WDFY2: variants seen among roughly 807,000 people sequenced by gnomAD.
WDFY2 encodes the protein WD repeat and FYVE domain-containing protein 2.
Under a neutral mutation model 56.4 loss-of-function variants are expected in WDFY2, and 36 were observed. That is an observed-to-expected ratio of 0.64 (90% CI 0.49 to 0.84). The LOEUF (loss-of-function observed/expected upper bound fraction) is 0.84. Among genes scored for constraint, WDFY2 ranks in the 40% least tolerant of loss-of-function variants. WDFY2 has a pLI of 0.00. For synonymous variants in WDFY2, 176 were observed against 183.7 expected (o/e 0.96, Z 0.34); for missense variants, 444 against 512.2 (o/e 0.87, Z 1.29).
chr13:51,719,159 G>C, intron 4 of WDFY2, 39 bp from the exon 5 acceptor site: 1 of 1,613,766 alleles, frequency 6.2e-7, no homozygotes, highest in East Asian at 2.2e-5. Flanking sequence ...ACCTCCTTAG[G>C]ATGCTTTATA....
intron 1 of WDFY2, among the ~76,000 whole-genome samples, chr13:51,632,770 A>G (rs980245027): frequency 2.6e-5 from 4 of 152,194 alleles, no homozygotes; most frequent in Admixed American, 2.0e-4. Flanking sequence ...TCTAGCAGTT[A>G]CCCTAATTAT....
chr13:51,628,772 T>C (rs1954890921), intron 1 of WDFY2, among the ~76,000 whole-genome samples: 1 of 152,214 alleles, frequency 6.6e-6, no homozygotes, highest in Non-Finnish European at 1.5e-5. Context: ...AATGGAATTT[T>C]CTAACAGGTG....
chr13:51,767,251 C>T lies in WDFY2; in HGVS notation c.*7482C>T, dbSNP rs1236667572. On this transcript the variant is annotated 3_prime_UTR_variant, in exon 12 of 12. Transcript: ENST00000298125. Reference sequence around the variant, plus strand: ...TGCTGCCAGCACAGCGTCGCCCACACCCAGCATTGCTGAGGCCCATCATCC... The same window carrying T: ...TGCTGCCAGCACAGCGTCGCCCACATCCAGCATTGCTGAGGCCCATCATCC... 2 of 152,254 alleles carry T rather than the reference C, an allele frequency of 1.3e-5. No homozygotes were observed. The highest frequency in any genetic ancestry group is 2.9e-5 in the Non-Finnish European group (2 of 68,060). The allele number at this position is 152,254 out of a possible 1,614,324, so 9.4% of individuals were successfully genotyped here. A position where few individuals can be genotyped will look rare whatever the true frequency, so the allele number is the denominator to read the frequency against.
At chr13:51,736,252 A>G (rs1205525617) in intron 6 of WDFY2, among the ~76,000 whole-genome samples, 1 of 152,204 alleles carries the variant, frequency 6.6e-6, no homozygotes, top group Non-Finnish European at 1.5e-5. Context: ...ACTGTGGGTT[A>G]GGTACTATTA....
chr13:51,714,213 CAA>C (rs35033926), intron 4 of WDFY2, among the ~76,000 whole-genome samples: 1 of 134,592 alleles, frequency 7.4e-6, no homozygotes. Flanking sequence ...TAATTCCTTT[CAA>C]AAAAAAAAAA....
chr13:51,727,738 C>G lies in WDFY2; in HGVS notation c.546C>G (p.Leu182=). The G allele has an allele frequency of 6.2e-7, 1 of 1,614,162 alleles. No homozygotes were observed. The highest frequency in any genetic ancestry group is 8.5e-7 in the Non-Finnish European group (1 of 1,180,034). The change falls in exon 6 of 12, where the codon CTC becomes CTG. Residue 182 remains leucine (L), a synonymous_variant. Coordinates refer to ENST00000298125, the MANE Select transcript of WDFY2 (RefSeq NM_052950.4). The stretch of plus-strand genomic sequence containing the variant: ...ACCACTCAGGCCAAGTAACAATCCT[C>G]AAACTGGAGCAAGAAAACTGCACCC... The part of the protein sequence containing the change: ...IGDHSGQVTI[L]KLEQENCTLV...
intron 1 of WDFY2, among the ~76,000 whole-genome samples, chr13:51,659,109 T>C (rs909317753): frequency 6.6e-6 from 1 of 152,028 alleles, no homozygotes; most frequent in African/African-American, 2.4e-5. Flanking sequence ...GTATTTTTAG[T>C]AGAGACGGGG....
At chr13:51,725,488 G>T (rs1197780629) in intron 5 of WDFY2, among the ~76,000 whole-genome samples, 1 of 152,130 alleles carries the variant, frequency 6.6e-6, no homozygotes, top group Non-Finnish European at 1.5e-5. Context: ...AGGAGTTTGA[G>T]ACCAGCCTGG....
intron 8 of WDFY2, among the ~76,000 whole-genome samples, chr13:51,754,455 G>A (rs1358716312): frequency 6.6e-6 from 1 of 152,198 alleles, no homozygotes; most frequent in African/African-American, 2.4e-5. Context: ...ACTTCTCATG[G>A]AGAACAGGGA....
rs1158145083 is a variant in WDFY2, at chr13:51,765,902, G to C, written c.*6133G>C. The C allele has an allele frequency of 6.6e-6, 1 of 152,092 alleles. No individual in the cohort carries two copies. The highest frequency in any genetic ancestry group is 1.5e-5 in the Non-Finnish European group (1 of 68,014). The allele number at this position is 152,092 out of a possible 1,614,324, so 9.4% of individuals were successfully genotyped here. A position where few individuals can be genotyped will look rare whatever the true frequency, so the allele number is the denominator to read the frequency against. On this transcript the variant is annotated 3_prime_UTR_variant, in exon 12 of 12. Coordinates refer to ENST00000298125, the MANE Select transcript of WDFY2 (RefSeq NM_052950.4). ...TCAAGAAGAGTATCTGACTTTCTTG[G>C]AAGTGTCAAGAATTGCAGGTTGGCT...
At chr13:51,615,174 A>G (rs1189237132) in intron 1 of WDFY2, among the ~76,000 whole-genome samples, 1 of 152,222 alleles carries the variant, frequency 6.6e-6, no homozygotes, top group African/African-American at 2.4e-5. Flanking sequence ...GTTAGAGAGG[A>G]TATTTGCAAC....
chr13:51,610,426 G>C (rs1954477921), intron 1 of WDFY2, among the ~76,000 whole-genome samples: 1 of 152,008 alleles, frequency 6.6e-6, no homozygotes, highest in Admixed American at 6.6e-5. Context: ...TTTGTTGTAT[G>C]AATTTTTTTG....
Position 51,584,587 on chromosome 13 carries a change from C to G in WDFY2, c.-101C>G. ...GTTTCCGGCGTTCCGCTCCGGCCAG[C>G]CAGAGTCTCTGTCTCAACCTGTGTC... On this transcript the variant is annotated 5_prime_UTR_variant, in exon 1 of 12. Transcript: ENST00000298125. 7.0e-7 allele frequency: 1 copy of G among 1,422,368 alleles called. No individual in the cohort carries two copies. Among genetic ancestry groups the G allele is most frequent in the Non-Finnish European group, 9.3e-7 (1 of 1,080,814 alleles). 88.1% of individuals were successfully genotyped at this position (1,422,368 alleles called of 1,614,324 possible).
chr13:51,703,602 A>T lies in WDFY2; in HGVS notation c.286A>T (p.Ile96Leu), dbSNP rs1360802483. The T allele has an allele frequency of 6.2e-7, 1 of 1,604,812 alleles. No homozygotes were observed. The highest frequency in any genetic ancestry group is 1.1e-5 in the South Asian group (1 of 89,210). Residue 96 changes from isoleucine to leucine, a missense_variant, in exon 4 of 12, where the codon ATA becomes TTA. Physicochemically the swap from Ile to Leu is conservative, Grantham distance 5. Coordinates refer to ENST00000298125, the MANE Select transcript of WDFY2 (RefSeq NM_052950.4). ...GTTTTCTTTTCTTTTACAGGAGTTTATATTGTCAGAAGATTATAACAAGAT... is the reference window on the plus strand; with the variant it reads ...GTTTTCTTTTCTTTTACAGGAGTTTTTATTGTCAGAAGATTATAACAAGAT... ...GLDNGTISEF[I>L]LSEDYNKMTP... is the part of the protein sequence containing the mutation.
Position 51,619,059 on chromosome 13 carries a change from A to T in WDFY2, c.137+34235A>T, listed in dbSNP as rs1022284402. On this transcript the variant is annotated intron_variant, in intron 1 of 11. Transcript: ENST00000298125. ...GCAGAGCTCCAAGTAGGAAAAGCAGATTGTGTGCCTCACTGTCTTTCTTTG... is the reference window on the plus strand; with the variant it reads ...GCAGAGCTCCAAGTAGGAAAAGCAGTTTGTGTGCCTCACTGTCTTTCTTTG... 4.6e-5 allele frequency among the ~76,000 whole-genome samples: 7 copies of T among 152,352 alleles called. No individual in the cohort carries two copies. In the East Asian group the frequency reaches 5.8e-4, roughly 13 times the overall value.
At chr13:51,628,009 A>G (rs1002583961) in intron 1 of WDFY2, among the ~76,000 whole-genome samples, 3 of 152,294 alleles carry the variant, frequency 2.0e-5, no homozygotes, top group Admixed American at 1.3e-4. Context: ...AAAAAGCACC[A>G]TAAGTTCTCG....
intron 1 of WDFY2, among the ~76,000 whole-genome samples, chr13:51,604,543 A>G (rs1037305055): frequency 7.9e-5 from 12 of 152,210 alleles, no homozygotes; most frequent in African/African-American, 2.9e-4. Context: ...GGTTTGGGAC[A>G]GAGAGACTTG....
At chr13:51,759,650 GA>G (rs1197184977) in intron 11 of WDFY2, 89 bp from the exon 12 acceptor site, 41 of 1,310,686 alleles carry the variant, frequency 3.1e-5, no homozygotes, top group Non-Finnish European at 4.1e-5. Context: ...TTTGTTAAAT[GA>G]AAAAAATTTC....
intron 1 of WDFY2, among the ~76,000 whole-genome samples, chr13:51,654,279 C>G (rs1955464626): frequency 6.6e-6 from 1 of 152,176 alleles, no homozygotes; most frequent in Non-Finnish European, 1.5e-5. Context: ...TGGGAGTGAC[C>G]TGATTTTCCA....
Sources: allele counts gnomAD v4.1 joint callset (sites outside exome capture counted in the v4.1 genomes callset), GRCh38; gene constraint gnomAD v4.1.1; transcripts MANE v1.5; gene names NCBI Gene and HGNC (gene_info 2026-07-23, HGNC 2026-07-21).